LAMA2: variants seen among roughly 807,000 people sequenced by gnomAD.
LAMA2 encodes laminin subunit alpha 2.
A neutral mutation model predicts 364.8 loss-of-function variants in LAMA2; 269 were observed. The observed-to-expected ratio is 0.74, with a 90% confidence interval of 0.67 to 0.82. The LOEUF is 0.82. LAMA2 is among the 40% of genes least tolerant of loss of function. The pLI is 0.00. For synonymous variants in LAMA2, 1,379 were observed against 1,370.6 expected (o/e 1.01, Z -0.14); for missense variants, 3,807 against 3,873.2 (o/e 0.98, Z 0.45).
rs1784918224 is a variant in LAMA2 at position 129,492,416 on chromosome 6, A to T, written c.8177A>T (p.Glu2726Val). 1 of 1,614,018 alleles carries T rather than the reference A, an allele frequency of 6.2e-7. No individual in the cohort carries two copies. Among genetic ancestry groups the T allele is most frequent in the African/African-American group, 1.3e-5 (1 of 74,938 alleles). The change falls in exon 58 of 65, where the codon GAA (glutamate) becomes GTA (valine). Residue 2726 changes from glutamate (E) to valine (V), a missense_variant. This residue lies in a region of LAMA2 where 3,333 missense variants were observed against 3,345.7 expected (regional missense o/e 1.00). Coordinates refer to ENST00000421865, the MANE Select transcript of LAMA2 (RefSeq NM_000426.4). ...GATGAAGATGGAGCAGCTCCAGCTG[A>T]AATAGTTATCCAGCCTGAGCCAGTT... The part of the protein sequence containing the change: ...REDEDGAAPA[E>V]IVIQPEPVPT...
intron 12 of LAMA2, among the ~76,000 whole-genome samples, chr6:129,206,260 A>AT (rs1782669728): frequency 6.6e-6 from 1 of 152,166 alleles, no homozygotes. Context: ...TGTCCTTGTA[A>AT]TTATAAGGTG....
At chr6:129,155,161 A>T (rs1220388775) in intron 8 of LAMA2, among the ~76,000 whole-genome samples, 2 of 152,180 alleles carry the variant, frequency 1.3e-5, no homozygotes, top group Admixed American at 1.3e-4. Context: ...GATAGAAATT[A>T]GGATCATTTC....
intron 48 of LAMA2, among the ~76,000 whole-genome samples, chr6:129,459,110 G>A (rs1327449453): frequency 6.6e-6 from 1 of 151,932 alleles, no homozygotes; most frequent in African/African-American, 2.4e-5. Context: ...CACAAATCTA[G>A]ATGGTACAGC....
At chr6:129,071,117 C>T (rs1013783083) in intron 3 of LAMA2, among the ~76,000 whole-genome samples, 9 of 152,164 alleles carry the variant, frequency 5.9e-5, no homozygotes, top group African/African-American at 1.9e-4. Context: ...GTGGGACTCA[C>T]TGGAGTTTTC....
At chr6:129,105,110 G>A (rs545311473) in intron 4 of LAMA2, among the ~76,000 whole-genome samples, 217 of 152,286 alleles carry the variant, frequency 1.4e-3, no homozygotes, top group African/African-American at 5.0e-3. Context: ...GCTCAGCAGG[G>A]ACCCTACTTT....
intron 45 of LAMA2, among the ~76,000 whole-genome samples, chr6:129,450,783 C>G (rs958207681): frequency 1.3e-5 from 2 of 152,200 alleles, no homozygotes; most frequent in African/African-American, 4.8e-5. Context: ...ATATGATTGT[C>G]TGCCAGGGAT....
chr6:128,937,748 A>G (rs183190055), intron 1 of LAMA2, among the ~76,000 whole-genome samples: 310 of 151,536 alleles, frequency 2.0e-3, no homozygotes, highest in African/African-American at 7.0e-3. Context: ...TCTTACTTAT[A>G]TTGATCTTTT....
chr6:129,122,890 C>T (rs867768607), intron 4 of LAMA2, among the ~76,000 whole-genome samples: 5 of 152,182 alleles, frequency 3.3e-5, no homozygotes, highest in African/African-American at 1.2e-4. Context: ...GCAATACCTT[C>T]TTAACACTGA....
At chr6:129,255,563 C>T (rs1393423168) in intron 14 of LAMA2, among the ~76,000 whole-genome samples, 4 of 151,988 alleles carry the variant, frequency 2.6e-5, no homozygotes, top group African/African-American at 9.7e-5. Flanking sequence ...GTTACCACAG[C>T]ATAACCGAGT....
chr6:129,053,530 T>G (rs1317129184), intron 2 of LAMA2, among the ~76,000 whole-genome samples: 2 of 135,194 alleles, frequency 1.5e-5, no homozygotes, highest in Non-Finnish European at 3.2e-5. Context: ...TTCAGGTAAA[T>G]GGAGTCAAGG....
chr6:129,154,425 CTAT>C, intron 7 of LAMA2, 77 bp from the exon 8 acceptor site: 1 of 1,320,914 alleles, frequency 7.6e-7, no homozygotes, highest in South Asian at 1.2e-5. Flanking sequence ...AAAAAAAAAT[CTAT>C]TATGTATAAC....
intron 4 of LAMA2, among the ~76,000 whole-genome samples, 162 bp downstream of exon 4, chr6:129,098,577 T>A (rs1046141953): frequency 6.6e-6 from 1 of 152,150 alleles, no homozygotes; most frequent in Non-Finnish European, 1.5e-5. Flanking sequence ...AAACCTGAGG[T>A]GATTAGAATT....
intron 1 of LAMA2, among the ~76,000 whole-genome samples, chr6:129,007,775 T>C (rs2114688500): frequency 6.6e-6 from 1 of 152,340 alleles, no homozygotes; most frequent in Non-Finnish European, 1.5e-5. Flanking sequence ...AGAGCTGTTA[T>C]ACATTGAGCA....
chr6:129,165,602 C>T lies in LAMA2; in HGVS notation c.1233C>T (p.Cys411=), dbSNP rs1583169005. The T allele has an allele frequency of 1.2e-6, 2 of 1,612,128 alleles. No individual in the cohort carries two copies. Among genetic ancestry groups the T allele is most frequent in the Admixed American group, 1.7e-5 (1 of 59,892 alleles). ...TATCTCCAAATTATCCAAGGCCATG[C>T]CAGCCATGTCATTGCGATCCAATTG... The part of the protein sequence containing the change: ...KGVSPNYPRP[C]QPCHCDPIGS... The change falls in exon 9 of 65, where the codon TGC becomes TGT. Residue 411 remains cysteine, a synonymous_variant. Coordinates refer to ENST00000421865, the MANE Select transcript of LAMA2 (RefSeq NM_000426.4).
chr6:129,177,570 CTT>C, intron 9 of LAMA2, 134 bp from the exon 10 acceptor site: 2 of 848,900 alleles, frequency 2.4e-6, no homozygotes, highest in Non-Finnish European at 3.7e-6. Flanking sequence ...TTGGTTTTAA[CTT>C]TTCTTTATTG....
intron 3 of LAMA2, 62 bp from the exon 4 acceptor site, chr6:129,098,111 T>G: frequency 6.6e-7 from 1 of 1,525,696 alleles, no homozygotes; most frequent in South Asian, 1.1e-5. Flanking sequence ...GACTTATATT[T>G]GACATAAAAT....
intron 1 of LAMA2, among the ~76,000 whole-genome samples, chr6:129,036,486 T>C (rs899205697): frequency 1.2e-4 from 18 of 152,164 alleles, no homozygotes; most frequent in East Asian, 5.8e-4. Context: ...CTAAGATCCA[T>C]TGGAGTATGT....
chr6:129,505,496 TTTG>T (rs1327937887), intron 61 of LAMA2, 141 bp downstream of exon 61: 2 of 707,672 alleles, frequency 2.8e-6, no homozygotes, highest in East Asian at 5.4e-5. Context: ...GACAGAAGGG[TTTG>T]TTGTTTATTT....
chr6:129,029,273 G>A (rs996743659), intron 1 of LAMA2, among the ~76,000 whole-genome samples: 1 of 151,838 alleles, frequency 6.6e-6, no homozygotes, highest in Non-Finnish European at 1.5e-5. Flanking sequence ...TTATACATCA[G>A]CAATGAAGAG....
Sources: gnomAD v4.1 joint callset for allele counts (sites outside exome capture counted in the v4.1 genomes callset) on GRCh38, gnomAD v4.1.1 for gene constraint, gnomAD v4.1.1 regional missense constraint, MANE v1.5 for transcripts, NCBI Gene and HGNC (gene_info 2026-07-23, HGNC 2026-07-21) for gene names.